PCDHA1: variants seen among roughly 807,000 people sequenced by gnomAD.
PCDHA1 encodes protocadherin alpha 1.
In PCDHA1, 42 loss-of-function variants were observed where a neutral mutation model predicts 61.3. That is an observed-to-expected ratio of 0.69 (90% CI 0.54 to 0.89). The LOEUF is 0.89. Among genes scored for constraint, PCDHA1 ranks in the 40% least tolerant of loss-of-function variants. The pLI is 0.00. For missense variants in PCDHA1, 1,256 were observed against 1,235.3 expected (o/e 1.02, Z -0.25); for synonymous variants, 610 against 553.8 (o/e 1.10, Z -1.43).
At chr5:140,829,290 C>T (rs1554131868) in intron 1 of PCDHA1, 1 of 1,614,136 alleles carries the variant, frequency 6.2e-7, no homozygotes, top group African/African-American at 1.3e-5. Context: ...CTGGTGTCCA[C>T]CTTCAAGAAT....
chr5:140,796,212 G>C (rs537511000), intron 1 of PCDHA1: 3 of 1,614,206 alleles, frequency 1.9e-6, no homozygotes, highest in South Asian at 2.2e-5. Flanking sequence ...TGGACCGCGA[G>C]AGCGTGTCAG....
At chr5:140,873,957 A>C (rs993299790) in intron 1 of PCDHA1, among the ~76,000 whole-genome samples, 7 of 152,236 alleles carry the variant, frequency 4.6e-5, no homozygotes, top group Non-Finnish European at 7.3e-5. Flanking sequence ...CACTGAGCCC[A>C]GCCTATTTTT....
chr5:141,007,915 A>G (rs561873534), intron 3 of PCDHA1, among the ~76,000 whole-genome samples: 5 of 152,308 alleles, frequency 3.3e-5, no homozygotes, highest in South Asian at 2.1e-4. Flanking sequence ...TGAAGATGCT[A>G]TATAAGCTGG....
At chr5:140,888,796 T>C (rs1158691492) in intron 1 of PCDHA1, among the ~76,000 whole-genome samples, 1 of 152,008 alleles carries the variant, frequency 6.6e-6, no homozygotes, top group East Asian at 1.9e-4. Context: ...TCTGGGGAGG[T>C]TGATCAGTGA....
chr5:140,882,859 GA>G (rs1554175853), intron 1 of PCDHA1: 4 of 1,614,192 alleles, frequency 2.5e-6, no homozygotes, highest in Non-Finnish European at 3.4e-6. Flanking sequence ...TTGTACTGAG[GA>G]AAACACTGGA....
chr5:140,860,143 G>A (rs1226085674), intron 1 of PCDHA1: 2 of 148,758 alleles, frequency 1.3e-5, no homozygotes, highest in Non-Finnish European at 3.0e-5. Context: ...GTATATATAT[G>A]TATATATGTG....
At chr5:140,856,537 G>C (rs782543512) in intron 1 of PCDHA1, 2 of 1,598,372 alleles carry the variant, frequency 1.3e-6, no homozygotes, top group East Asian at 4.5e-5. Context: ...ATGTTGGAGA[G>C]AACGCATTGC....
intron 1 of PCDHA1, chr5:140,802,865 G>A (rs1554122421): frequency 6.2e-7 from 1 of 1,613,494 alleles, no homozygotes; most frequent in South Asian, 1.1e-5. Context: ...TGTTCGTGCT[G>A]GACGAGAACG....
intron 1 of PCDHA1, chr5:140,809,328 C>G (rs1419045044): frequency 5.0e-6 from 8 of 1,613,988 alleles, no homozygotes; most frequent in Admixed American, 1.7e-5. Context: ...TTGGTGCTCA[C>G]GCTGCTGCTG....
At chr5:140,797,575 C>T in intron 1 of PCDHA1, 1 of 638,884 alleles carries the variant, frequency 1.6e-6, no homozygotes. Context: ...GCACTTCCAT[C>T]ATTAAGTCAT....
At chr5:140,882,217 A>C in intron 1 of PCDHA1, 1 of 1,542,972 alleles carries the variant, frequency 6.5e-7, no homozygotes, top group Non-Finnish European at 8.7e-7. Context: ...AGACAGTTTG[A>C]GGTAAGGCGT....
intron 2 of PCDHA1, among the ~76,000 whole-genome samples, chr5:140,980,093 G>A (rs1223807762): frequency 2.0e-5 from 3 of 152,166 alleles, no homozygotes; most frequent in South Asian, 2.1e-4. Context: ...AGTTGGCTTG[G>A]TAAGATGTCA....
intron 1 of PCDHA1, chr5:140,859,929 A>T (rs568538695): frequency 4.2e-4 from 64 of 152,162 alleles, no homozygotes; most frequent in African/African-American, 1.3e-3. Flanking sequence ...TAATATAAAA[A>T]ACTTAGTAAA....
At chr5:140,909,428 G>A (rs2074488610) in intron 1 of PCDHA1, among the ~76,000 whole-genome samples, 1 of 152,150 alleles carries the variant, frequency 6.6e-6, no homozygotes, top group African/African-American at 2.4e-5. Context: ...TTAAACTTAT[G>A]ATAATCCACT....
Position 140,872,869 on chromosome 5 carries a change from T to G in PCDHA1, c.2394+84185T>G, listed in dbSNP as rs192241401. On this transcript the variant is annotated intron_variant, in intron 1 of 3. Coordinates refer to ENST00000504120, the MANE Select transcript of PCDHA1 (RefSeq NM_018900.4). ...ATTAATGTGAGTACCTACTGACAAT[T>G]ATCAGTTTCATTCATCTCACTTTGT... is the stretch of plus-strand genomic sequence containing the variant. 4.6e-5 allele frequency among the ~76,000 whole-genome samples: 7 copies of G among 152,364 alleles called. No individual in the cohort carries two copies. In the East Asian group the frequency reaches 1.3e-3, roughly 29 times the overall value.
chr5:140,882,560 C>G (rs150463901), intron 1 of PCDHA1: 2 of 1,614,168 alleles, frequency 1.2e-6, no homozygotes, highest in African/African-American at 2.7e-5. Context: ...GCTGTGTGGG[C>G]GGAGCGCGGA....
At chr5:140,999,638 CTG>C (rs2097866913) in intron 3 of PCDHA1, among the ~76,000 whole-genome samples, 1 of 152,170 alleles carries the variant, frequency 6.6e-6, no homozygotes, top group Non-Finnish European at 1.5e-5. Flanking sequence ...GTAGAGAAAA[CTG>C]TGCAGCCTGA....
chr5:140,914,095 C>T (rs1368870998), intron 1 of PCDHA1, among the ~76,000 whole-genome samples: 1 of 152,082 alleles, frequency 6.6e-6, no homozygotes, highest in Admixed American at 6.5e-5. Context: ...TCAATTTGTT[C>T]TATAGTGCAG....
At chr5:140,951,403 G>A (rs62384504) in intron 1 of PCDHA1, among the ~76,000 whole-genome samples, 5,903 of 152,130 alleles carry the variant, frequency 0.039, 173 homozygotes, top group Non-Finnish European at 0.058. Flanking sequence ...AAGAAAAGAG[G>A]TTTAATTGGC....
Sources: allele counts gnomAD v4.1 joint callset (sites outside exome capture counted in the v4.1 genomes callset), GRCh38; gene constraint gnomAD v4.1.1; transcripts MANE v1.5; gene names NCBI Gene and HGNC (gene_info 2026-07-23, HGNC 2026-07-21).